The following WDR76 variants were observed in gnomAD, a reference collection of about 807,000 sequenced individuals.
The protein encoded by WDR76 is WD repeat domain 76.
Under a neutral mutation model 70.2 loss-of-function variants are expected in WDR76, and 52 were observed. The ratio of observed to expected loss-of-function variants is 0.74; its 90% confidence interval spans 0.59 to 0.93. WDR76 has a LOEUF of 0.93. WDR76 is among the 40% of genes least tolerant of loss of function. The probability of loss-of-function intolerance (pLI) is 0.00; values close to 1 mark genes in which losing one functional copy is unlikely to be tolerated. For synonymous variants in WDR76, 292 were observed against 271.1 expected, an observed-to-expected ratio of 1.08 and a Z score of -0.76; for missense variants, 756 against 760.2, an observed-to-expected ratio of 0.99 and a Z score of 0.07.
intron 9 of WDR76, among the ~76,000 whole-genome samples, chr15:43,854,621 T>G (rs933755433): frequency 3.3e-5 from 5 of 152,030 alleles, no homozygotes; most frequent in Non-Finnish European, 7.4e-5. Flanking sequence ...TCTCTGAGTT[T>G]TGGTGAATTG....
intron 8 of WDR76, among the ~76,000 whole-genome samples, chr15:43,845,831 G>A (rs578095177): frequency 1.3e-5 from 2 of 150,432 alleles, no homozygotes; most frequent in South Asian, 2.1e-4. Context: ...GAAGACCAAA[G>A]ACATGAAAAA....
At chr15:43,832,919 G>A (rs2141723823) in intron 2 of WDR76, among the ~76,000 whole-genome samples, 1 of 151,332 alleles carries the variant, frequency 6.6e-6, no homozygotes, top group Admixed American at 6.6e-5. Flanking sequence ...CACCCAGCTA[G>A]TTTTTTTGTA....
chr15:43,855,436 T>G (rs2087915982), intron 9 of WDR76, among the ~76,000 whole-genome samples: 1 of 152,206 alleles, frequency 6.6e-6, no homozygotes, highest in Non-Finnish European at 1.5e-5. Flanking sequence ...ATATATTGAG[T>G]ATGCCAAGTT....
intron 10 of WDR76, 167 bp from the exon 11 acceptor site, chr15:43,858,504 C>A: frequency 1.3e-6 from 1 of 775,594 alleles, no homozygotes; most frequent in Non-Finnish European, 2.0e-6. Context: ...CCTCCACCTC[C>A]CAAAGTGCTG....
At chr15:43,858,627 T>C (rs2087959754) in intron 10 of WDR76, 44 bp from the exon 11 acceptor site, 1 of 1,602,838 alleles carries the variant, frequency 6.2e-7, no homozygotes, top group Middle Eastern at 1.7e-4. Flanking sequence ...AGAGGTTCAT[T>C]ACATGTACTA....
In WDR76 at chr15:43,866,073, A is replaced by G. The variant is rs536911548; in HGVS notation, c.1617-55A>G. On this transcript the variant is annotated intron_variant, in intron 12 of 12. Transcript: ENST00000263795. The stretch of plus-strand genomic sequence containing the variant: ...CAATGCCGTCTTTACCCTCTGCCCA[A>G]TGCTACCTTATTTAACCTTACTTCA... 134 of 1,593,938 alleles carry G rather than the reference A, an allele frequency of 8.4e-5. 1 individual carries two copies. Among genetic ancestry groups the G allele is most frequent in the South Asian group, 6.5e-4 (58 of 88,892 alleles).
rs755501993 is a variant in WDR76 at position 43,835,176 on chromosome 15, A to C, written c.552+26A>C. On this transcript the variant is annotated intron_variant, in intron 3 of 12. Coordinates refer to ENST00000263795, the MANE Select transcript of WDR76 (RefSeq NM_024908.4). ...GTTTGTGTGGAGTCTATTTAAAAGC[A>C]AGATGCAGGGCCGGGAACAGTGGGT... is the stretch of plus-strand genomic sequence containing the variant. 6 of 1,607,062 alleles carry C rather than the reference A, an allele frequency of 3.7e-6. No homozygotes were observed. The East Asian group carries it at 1.1e-4, about 30-fold the overall frequency.
Position 43,842,430 on chromosome 15 carries a change from G to T in WDR76, c.748G>T (p.Gly250Trp). ...TTTATAACAGCCTTTGTTACCTCCT[G>T]GGCCTTTAGAAATGACTTCTGAAAA... Reference protein sequence around the residue: ...VADETPLLPPGPLEMTSENQE... With the variant: ...VADETPLLPPWPLEMTSENQE... The change falls in exon 6 of 13, where the codon GGG (glycine) becomes TGG (tryptophan). Residue 250 changes from glycine to tryptophan, a missense_variant. Physicochemically the swap from Gly to Trp is radical, Grantham distance 184. Coordinates refer to ENST00000263795, the MANE Select transcript of WDR76 (RefSeq NM_024908.4). 1 of 1,613,848 alleles carries T rather than the reference G, an allele frequency of 6.2e-7. No individual in the cohort carries two copies. The highest frequency in any genetic ancestry group is 8.5e-7 in the Non-Finnish European group (1 of 1,179,944).
intron 8 of WDR76, among the ~76,000 whole-genome samples, chr15:43,847,540 C>T (rs752106716): frequency 1.3e-5 from 2 of 152,102 alleles, no homozygotes; most frequent in African/African-American, 4.8e-5. Context: ...TCTGCCTCAG[C>T]CTCCCAAGTG....
chr15:43,833,599 G>A lies in WDR76; in HGVS notation c.463-1462G>A, dbSNP rs571777923. Among the ~76,000 whole-genome samples, 33 of 151,440 alleles carry A rather than the reference G, an allele frequency of 2.2e-4. No homozygotes were observed. In the East Asian group the frequency reaches 4.9e-3, roughly 22 times the overall value. On this transcript the variant is annotated intron_variant, in intron 2 of 12. Coordinates refer to ENST00000263795, the MANE Select transcript of WDR76 (RefSeq NM_024908.4). ...CTCCCAAAGTGCTGGGATTACAGGC[G>A]TGAGCCACTGCTCCCAGCCCTTTCT...
intron 8 of WDR76, among the ~76,000 whole-genome samples, chr15:43,850,000 TC>T (rs2087836623): frequency 6.6e-6 from 1 of 152,112 alleles, no homozygotes; most frequent in Non-Finnish European, 1.5e-5. Flanking sequence ...AATAATTTTT[TC>T]TCTTATTTTT....
chr15:43,860,606 A>C (rs900803345), intron 11 of WDR76, among the ~76,000 whole-genome samples: 1 of 151,814 alleles, frequency 6.6e-6, no homozygotes, highest in Non-Finnish European at 1.5e-5. Flanking sequence ...GGGCTCTAGC[A>C]ATCTTACGGC....
At chr15:43,839,321 T>G (rs995908793) in intron 4 of WDR76, among the ~76,000 whole-genome samples, 1 of 152,176 alleles carries the variant, frequency 6.6e-6, no homozygotes, top group Non-Finnish European at 1.5e-5. Context: ...TAACCAAGGG[T>G]TCCTTTCAGC....
chr15:43,840,629 A>G (rs930216606), intron 5 of WDR76, among the ~76,000 whole-genome samples: 2 of 152,174 alleles, frequency 1.3e-5, no homozygotes, highest in Admixed American at 1.3e-4. Flanking sequence ...TCTAGGTGTT[A>G]TGGGAAGCAG....
intron 11 of WDR76, among the ~76,000 whole-genome samples, chr15:43,859,913 G>A (rs940360078): frequency 1.3e-5 from 2 of 152,200 alleles, no homozygotes; most frequent in Non-Finnish European, 2.9e-5. Flanking sequence ...CTGCTGTAGT[G>A]CTCAGTGGAG....
intron 4 of WDR76, among the ~76,000 whole-genome samples, chr15:43,839,387 T>C (rs1286269247): frequency 2.6e-5 from 4 of 152,224 alleles, no homozygotes; most frequent in Admixed American, 6.5e-5. Flanking sequence ...CTATTAGATA[T>C]GTATACCATA....
At position 43,856,965 on chromosome 15, in the gene WDR76, G is replaced by C; in HGVS notation, c.1211G>C (p.Ser404Thr). Reference protein sequence around the residue: ...IFEEVYRNERSSFSSFDFLAE... With the variant: ...IFEEVYRNERTSFSSFDFLAE... ...TCTTAGGTGTATAGAAATGAAAGAA[G>C]TAGCTTTTCCTCCTTCGACTTCTTG... The change falls in exon 10 of 13, where the codon AGT (serine) becomes ACT (threonine). Residue 404 changes from serine to threonine, a missense_variant. Physicochemically the swap from Ser to Thr is moderately conservative, Grantham distance 58 (BLOSUM62 1). Transcript: ENST00000263795. 1 of 1,613,930 alleles carries C rather than the reference G, an allele frequency of 6.2e-7. No homozygotes were observed. The highest frequency in any genetic ancestry group is 2.2e-5 in the East Asian group (1 of 44,854).
chr15:43,839,296 T>C (rs2087693645), intron 4 of WDR76, among the ~76,000 whole-genome samples: 2 of 152,204 alleles, frequency 1.3e-5, no homozygotes, highest in Admixed American at 6.5e-5. Context: ...TACTGGACTT[T>C]GTTTTTGCTT....
chr15:43,845,631 G>A (rs938263659), intron 8 of WDR76, among the ~76,000 whole-genome samples: 45 of 150,556 alleles, frequency 3.0e-4, no homozygotes, highest in African/African-American at 1.1e-3. Flanking sequence ...CTAAGAAACA[G>A]TTTCTAAGCT....
Sources: gnomAD v4.1 joint callset for allele counts (sites outside exome capture counted in the v4.1 genomes callset) on GRCh38, gnomAD v4.1.1 for gene constraint, MANE v1.5 for transcripts, NCBI Gene and HGNC (gene_info 2026-07-23, HGNC 2026-07-21) for gene names.